Variants in NLK observed in about 807,000 individuals in gnomAD.
The protein encoded by NLK is serine/threonine-protein kinase NLK.
Under a neutral mutation model 59.0 loss-of-function variants are expected in NLK, and 11 were observed. That is an observed-to-expected ratio of 0.19 (90% CI 0.12 to 0.31). The LOEUF is 0.31. NLK is among the 10% of genes least tolerant of loss of function. The pLI is 1.00. For missense variants in NLK, 410 were observed against 661.1 expected (o/e 0.62, Z 4.16); for synonymous variants, 235 against 235.9 (o/e 1.00, Z 0.03).
chr17:28,137,506 G>C (rs1030034131), intron 3 of NLK, among the ~76,000 whole-genome samples: 3 of 152,008 alleles, frequency 2.0e-5, no homozygotes, highest in Non-Finnish European at 4.4e-5. Flanking sequence ...AGTTTTAATA[G>C]ACAAACATTT....
chr17:28,121,947 T>TG (rs995930483), intron 1 of NLK, among the ~76,000 whole-genome samples: 2 of 149,432 alleles, frequency 1.3e-5, no homozygotes, highest in South Asian at 2.1e-4. Flanking sequence ...AAAAAGGGAG[T>TG]GGGGGGACAC....
At chr17:28,160,494 G>T (rs951632919) in intron 3 of NLK, among the ~76,000 whole-genome samples, 21 of 152,098 alleles carry the variant, frequency 1.4e-4, no homozygotes, top group African/African-American at 4.8e-4. Context: ...GGCTCCCCAG[G>T]CTCCAGCCTT....
At chr17:28,198,476 A>G (rs1909541028), downstream of NLK, among the ~76,000 whole-genome samples, 1 of 152,108 alleles carries the variant, frequency 6.6e-6, no homozygotes, top group Non-Finnish European at 1.5e-5. Flanking sequence ...GGCACATGCC[A>G]CTACCACCCA....
At chr17:28,068,318 TTTTTTC>T (rs1382039547) in intron 1 of NLK, among the ~76,000 whole-genome samples, 4 of 152,148 alleles carry the variant, frequency 2.6e-5, no homozygotes, top group African/African-American at 9.7e-5. Context: ...TTAATTTTCT[TTTTTTC>T]TTTTTAGTCA....
intron 1 of NLK, among the ~76,000 whole-genome samples, chr17:28,089,357 G>A (rs62065056): frequency 0.059 from 8,918 of 151,792 alleles, 347 homozygotes; most frequent in Non-Finnish European, 0.083. Context: ...CTTCTTTCAC[G>A]CAGCTTATTT....
intron 1 of NLK, among the ~76,000 whole-genome samples, chr17:28,049,187 A>T (rs1328978094): frequency 1.3e-5 from 2 of 152,252 alleles, no homozygotes; most frequent in Admixed American, 6.5e-5. Context: ...GTACTCTGGC[A>T]TTATGGAAAG....
At chr17:28,141,334 A>C (rs1351808125) in intron 3 of NLK, among the ~76,000 whole-genome samples, 1 of 152,134 alleles carries the variant, frequency 6.6e-6, no homozygotes, top group Non-Finnish European at 1.5e-5. Flanking sequence ...TCTTTTAGTA[A>C]CTTTGTCTTT....
At chr17:28,067,820 T>A (rs1195241333) in intron 1 of NLK, among the ~76,000 whole-genome samples, 1 of 150,776 alleles carries the variant, frequency 6.6e-6, no homozygotes, top group Non-Finnish European at 1.5e-5. Context: ...ATCCAAACTG[T>A]AGGTAGACCT....
intron 1 of NLK, among the ~76,000 whole-genome samples, chr17:28,047,180 T>A (rs1909087751): frequency 6.6e-6 from 1 of 152,218 alleles, no homozygotes; most frequent in Non-Finnish European, 1.5e-5. Flanking sequence ...TAGCACACAG[T>A]AAGCATCAAT....
chr17:28,116,456 T>C (rs2142811083), intron 1 of NLK: 1 of 153,344 alleles, frequency 6.5e-6, no homozygotes, highest in South Asian at 1.9e-4. Flanking sequence ...ATTTCAAAAA[T>C]GTTTTTTACT....
At chr17:28,164,162 G>A (rs1045750664) in intron 5 of NLK, among the ~76,000 whole-genome samples, 1 of 152,060 alleles carries the variant, frequency 6.6e-6, no homozygotes, top group Non-Finnish European at 1.5e-5. Flanking sequence ...TTGAGCCCAG[G>A]AGTTCAAGAC....
chr17:28,133,315 A>G (rs1185186729), intron 3 of NLK, among the ~76,000 whole-genome samples: 2 of 152,230 alleles, frequency 1.3e-5, no homozygotes, highest in African/African-American at 4.8e-5. Context: ...AAATTGACCA[A>G]GATCACAGAG....
chr17:28,072,350 G>A (rs942083358), intron 1 of NLK, among the ~76,000 whole-genome samples: 1 of 141,764 alleles, frequency 7.1e-6, no homozygotes, highest in African/African-American at 2.6e-5. Context: ...TTTTGAGACA[G>A]GGTTTTGCTT....
intron 3 of NLK, among the ~76,000 whole-genome samples, chr17:28,133,011 A>G (rs1260426255): frequency 2.0e-5 from 3 of 152,232 alleles, no homozygotes; most frequent in Non-Finnish European, 2.9e-5. Flanking sequence ...TTTTACCACT[A>G]TACAACAGCT....
chr17:28,050,493 A>C (rs1909212979), intron 1 of NLK, among the ~76,000 whole-genome samples: 1 of 152,218 alleles, frequency 6.6e-6, no homozygotes, highest in Non-Finnish European at 1.5e-5. Flanking sequence ...TTACGAGGGG[A>C]TGATTAGGAA....
intron 2 of NLK, among the ~76,000 whole-genome samples, chr17:28,123,334 G>A (rs929819124): frequency 6.6e-6 from 1 of 152,104 alleles, no homozygotes; most frequent in Admixed American, 6.6e-5. Context: ...AGGGAAATAG[G>A]TTATTAATAG....
chr17:28,177,590 C>G (rs759857607), intron 7 of NLK, among the ~76,000 whole-genome samples: 34 of 152,306 alleles, frequency 2.2e-4, no homozygotes, highest in Admixed American at 1.2e-3. Flanking sequence ...CATTTTCAAA[C>G]AGGATTTCCC....
intron 1 of NLK, among the ~76,000 whole-genome samples, chr17:28,097,680 G>A (rs2142785854): frequency 6.6e-6 from 1 of 152,158 alleles, no homozygotes; most frequent in Non-Finnish European, 1.5e-5. Flanking sequence ...TGTTATAGTA[G>A]TATAAGGCAT....
In NLK at chr17:28,153,791, G is replaced by T. The variant is rs539525864; in HGVS notation, c.645-7369G>T. ...GGACTTCTGATTAAGACTTAAAGGTGCAAGTAGCAATTTTTTATGTCACCA... is the reference window on the plus strand; with the variant it reads ...GGACTTCTGATTAAGACTTAAAGGTTCAAGTAGCAATTTTTTATGTCACCA... On this transcript the variant is annotated intron_variant, in intron 3 of 10. Transcript: ENST00000407008. Among the ~76,000 whole-genome samples the T allele has an allele frequency of 2.6e-5, 4 of 152,254 alleles. No individual in the cohort carries two copies. In the East Asian group the frequency reaches 7.7e-4, roughly 29 times the overall value.
Sources: allele counts gnomAD v4.1 joint callset (sites outside exome capture counted in the v4.1 genomes callset), GRCh38; gene constraint gnomAD v4.1.1; transcripts MANE v1.5; gene names NCBI Gene and HGNC (gene_info 2026-07-23, HGNC 2026-07-21).